TMEM132D: variants seen among roughly 807,000 people sequenced by gnomAD.
TMEM132D encodes the protein transmembrane protein 132D, also known as mature OL transmembrane protein.
In TMEM132D, 21 loss-of-function variants were observed where a neutral mutation model predicts 62.3. The observed-to-expected ratio is 0.34, with a 90% CI of 0.24 to 0.49. The LOEUF (loss-of-function observed/expected upper bound fraction) is 0.49, where lower values mean the gene tolerates loss of function less well. Among genes scored for constraint, TMEM132D ranks in the 20% least tolerant of loss-of-function variants. The pLI, the probability that TMEM132D is intolerant of heterozygous loss-of-function variation, is 0.99. For synonymous variants in TMEM132D, 621 were observed against 575.6 expected, an observed-to-expected ratio of 1.08 and a Z score of -1.13; for missense variants, 1,346 against 1,402.8, an observed-to-expected ratio of 0.96 and a Z score of 0.65.
intron 2 of TMEM132D, among the ~76,000 whole-genome samples, chr12:129,692,725 T>C (rs1428890711): frequency 6.6e-6 from 1 of 152,164 alleles, no homozygotes; most frequent in African/African-American, 2.4e-5. Context: ...GAAGCCATTA[T>C]CCTTAGCAAA....
chr12:129,659,703 A>G (rs1251990253), intron 2 of TMEM132D, among the ~76,000 whole-genome samples: 1 of 152,196 alleles, frequency 6.6e-6, no homozygotes, highest in Non-Finnish European at 1.5e-5. Context: ...GGCTCTTGCA[A>G]TATTATCCTA....
Position 129,560,881 on chromosome 12 carries a change from G to A in TMEM132D, c.969-29676C>T, listed in dbSNP as rs535625671. On this transcript the variant is annotated intron_variant, in intron 2 of 8. Transcript: ENST00000422113. ...ACTTGTGTCTCCCTGTAAGCCACGC[G>A]TCACTTTCACATTTATTTTTCCTTC... Among the ~76,000 whole-genome samples the A allele has an allele frequency of 1.1e-4, 16 of 152,224 alleles. No homozygotes were observed. In the South Asian group the frequency reaches 2.1e-3, roughly 20 times the overall value.
At chr12:129,647,871 G>A (rs1265530586) in intron 2 of TMEM132D, among the ~76,000 whole-genome samples, 1 of 152,038 alleles carries the variant, frequency 6.6e-6, no homozygotes, top group African/African-American at 2.4e-5. Context: ...AAATTATGAT[G>A]GGAAAAAAGA....
chr12:129,605,157 T>C (rs927793963), intron 2 of TMEM132D, among the ~76,000 whole-genome samples: 1 of 152,164 alleles, frequency 6.6e-6, no homozygotes, highest in Non-Finnish European at 1.5e-5. Context: ...GATTTTTTTG[T>C]CATGTATTTT....
intron 1 of TMEM132D, among the ~76,000 whole-genome samples, chr12:129,800,235 T>G (rs1243395873): frequency 6.6e-6 from 1 of 151,764 alleles, no homozygotes; most frequent in Non-Finnish European, 1.5e-5. Context: ...TCTTTCTGAG[T>G]TTTTAAAGGG....
chr12:129,482,015 T>C (rs1566083929), intron 3 of TMEM132D, among the ~76,000 whole-genome samples: 2 of 152,178 alleles, frequency 1.3e-5, no homozygotes, highest in African/African-American at 2.4e-5. Context: ...AAGACCACCA[T>C]GTTGTTAGGA....
intron 1 of TMEM132D, among the ~76,000 whole-genome samples, chr12:129,781,144 T>C (rs1266292251): frequency 6.6e-6 from 1 of 152,178 alleles, no homozygotes; most frequent in African/African-American, 2.4e-5. Flanking sequence ...CAGAGTTTGG[T>C]TTTAAGTCTC....
intron 5 of TMEM132D, among the ~76,000 whole-genome samples, chr12:129,100,216 A>G (rs1292560518): frequency 6.6e-6 from 1 of 151,950 alleles, no homozygotes. Context: ...AATTTTTTGT[A>G]TTTTTAGTAG....
intron 3 of TMEM132D, among the ~76,000 whole-genome samples, chr12:129,436,075 G>T (rs1052029819): frequency 6.6e-6 from 1 of 152,132 alleles, no homozygotes; most frequent in Non-Finnish European, 1.5e-5. Flanking sequence ...CTTCCTGTCT[G>T]AAGTGCAGCT....
intron 1 of TMEM132D, among the ~76,000 whole-genome samples, chr12:129,782,274 A>C (rs2137291800): frequency 6.6e-6 from 1 of 152,252 alleles, no homozygotes; most frequent in African/African-American, 2.4e-5. Flanking sequence ...CCAGTTTTGG[A>C]GCATGACGGA....
intron 2 of TMEM132D, chr12:129,681,447 T>C (rs1880777177): frequency 6.6e-6 from 1 of 152,208 alleles, no homozygotes; most frequent in South Asian, 2.1e-4. Context: ...CCCAAGTGTC[T>C]GGTTGCCTGA....
intron 5 of TMEM132D, among the ~76,000 whole-genome samples, chr12:129,164,015 C>T (rs1877470788): frequency 6.6e-6 from 1 of 152,178 alleles, no homozygotes; most frequent in African/African-American, 2.4e-5. Context: ...CAGGCCTTCC[C>T]TGGTGGGAAC....
intron 1 of TMEM132D, among the ~76,000 whole-genome samples, chr12:129,784,386 A>G (rs899491007): frequency 1.3e-5 from 2 of 152,194 alleles, no homozygotes; most frequent in South Asian, 4.1e-4. Context: ...GAGGTCACCG[A>G]CTTATTTTTA....
intron 3 of TMEM132D, among the ~76,000 whole-genome samples, chr12:129,510,933 C>A (rs147381748): frequency 6.6e-6 from 1 of 152,086 alleles, no homozygotes; most frequent in African/African-American, 2.4e-5. Context: ...CAGTACCATG[C>A]GGTTTAGGTT....
chr12:129,858,645 G>T (rs1413892130), intron 1 of TMEM132D, among the ~76,000 whole-genome samples: 1 of 35,684 alleles, frequency 2.8e-5, no homozygotes, highest in Admixed American at 2.7e-4. Context: ...GGGTGCCCTT[G>T]TAACAGAGTC....
At chr12:129,271,788 A>G (rs980102806) in intron 4 of TMEM132D, among the ~76,000 whole-genome samples, 1 of 151,534 alleles carries the variant, frequency 6.6e-6, no homozygotes, top group South Asian at 2.1e-4. Context: ...TGTGTGCCAC[A>G]TTTTCTTTAT....
At chr12:129,626,109 C>T (rs867250309) in intron 2 of TMEM132D, among the ~76,000 whole-genome samples, 4 of 151,732 alleles carry the variant, frequency 2.6e-5, no homozygotes, top group South Asian at 4.2e-4. Context: ...AAAAGCTCCA[C>T]GGTCTATTAA....
At chr12:129,105,327 G>T (rs1875458685) in intron 5 of TMEM132D, among the ~76,000 whole-genome samples, 1 of 143,878 alleles carries the variant, frequency 7.0e-6, no homozygotes, top group South Asian at 2.2e-4. Context: ...CTCACTCACA[G>T]GTGGGAATTG....
At chr12:129,676,970 T>C (rs1380615960) in intron 2 of TMEM132D, among the ~76,000 whole-genome samples, 1 of 152,158 alleles carries the variant, frequency 6.6e-6, no homozygotes, top group East Asian at 1.9e-4. Context: ...CACCTAATGT[T>C]TTAGAAAATT....
Sources: gnomAD v4.1 joint callset for allele counts (sites outside exome capture counted in the v4.1 genomes callset) on GRCh38, gnomAD v4.1.1 for gene constraint, MANE v1.5 for transcripts, NCBI Gene and HGNC (gene_info 2026-07-23, HGNC 2026-07-21) for gene names.